The following NRXN3 variants were observed in gnomAD, a reference collection of about 807,000 sequenced individuals.
NRXN3 encodes neurexin III.
Under a neutral mutation model 137.6 loss-of-function variants are expected in NRXN3, and 32 were observed. That is an observed-to-expected ratio of 0.23 (90% CI 0.18 to 0.31). The LOEUF (loss-of-function observed/expected upper bound fraction) is 0.31. Among genes scored for constraint, NRXN3 ranks in the 10% least tolerant of loss-of-function variants. NRXN3 has a pLI of 1.00. For missense variants in NRXN3, 1,574 were observed against 2,062.5 expected (o/e 0.76, Z 4.59); for synonymous variants, 798 against 784.5 (o/e 1.02, Z -0.29).
intron 4 of NRXN3, among the ~76,000 whole-genome samples, chr14:78,317,601 G>A (rs553263102): frequency 1.3e-5 from 2 of 152,282 alleles, no homozygotes; most frequent in African/African-American, 4.8e-5. Context: ...AAGAGGTTGA[G>A]GACTTCTGGA....
chr14:79,061,232 C>A (rs1595508009), intron 15 of NRXN3, among the ~76,000 whole-genome samples: 1 of 152,140 alleles, frequency 6.6e-6, no homozygotes, highest in South Asian at 2.1e-4. Context: ...AAACTATATT[C>A]TAGAGGAAGA....
At chr14:79,229,356 C>T (rs1481459233) in intron 15 of NRXN3, among the ~76,000 whole-genome samples, 1 of 152,044 alleles carries the variant, frequency 6.6e-6, no homozygotes, top group African/African-American at 2.4e-5. Flanking sequence ...TAGTCATTTC[C>T]CATTTGTTTG....
At chr14:79,192,283 G>T (rs1160631622) in intron 15 of NRXN3, among the ~76,000 whole-genome samples, 1 of 152,174 alleles carries the variant, frequency 6.6e-6, no homozygotes, top group Non-Finnish European at 1.5e-5. Context: ...AATAATAATA[G>T]TGCCTTCTTT....
At chr14:79,159,500 A>G (rs904386783) in intron 15 of NRXN3, among the ~76,000 whole-genome samples, 1 of 151,952 alleles carries the variant, frequency 6.6e-6, no homozygotes, top group South Asian at 2.1e-4. Context: ...CTGCTAATTG[A>G]TAGTCCTCTC....
chr14:79,447,694 A>C (rs951098003), intron 15 of NRXN3, among the ~76,000 whole-genome samples: 1 of 152,242 alleles, frequency 6.6e-6, no homozygotes, highest in Non-Finnish European at 1.5e-5. Context: ...GTCATTGGAT[A>C]GCTCTAGGAA....
intron 16 of NRXN3, among the ~76,000 whole-genome samples, chr14:79,535,799 T>G (rs1422136895): frequency 6.6e-6 from 1 of 152,254 alleles, no homozygotes; most frequent in African/African-American, 2.4e-5. Context: ...ACTAGGAACT[T>G]CTGGTCTCTC....
chr14:78,314,944 T>C (rs1430312570), intron 4 of NRXN3, among the ~76,000 whole-genome samples: 1 of 76,160 alleles, frequency 1.3e-5, no homozygotes, highest in African/African-American at 6.9e-5. Context: ...TCTTTCTTTC[T>C]TCCTTCCTTC....
intron 16 of NRXN3, among the ~76,000 whole-genome samples, chr14:79,620,879 G>A (rs1398778916): frequency 6.6e-6 from 1 of 152,042 alleles, no homozygotes; most frequent in African/African-American, 2.4e-5. Flanking sequence ...AAGATATGTA[G>A]ATAGAGACAA....
At chr14:78,445,952 G>T (rs1394690461) in intron 4 of NRXN3, among the ~76,000 whole-genome samples, 1 of 152,092 alleles carries the variant, frequency 6.6e-6, no homozygotes, top group Non-Finnish European at 1.5e-5. Flanking sequence ...TGGGAGAGTG[G>T]GGGTAAAGCT....
chr14:78,411,074 G>T (rs2092799497), intron 4 of NRXN3, among the ~76,000 whole-genome samples: 1 of 152,156 alleles, frequency 6.6e-6, no homozygotes, highest in Non-Finnish European at 1.5e-5. Context: ...AAAATTAAAT[G>T]AAAATGTTAG....
At chr14:79,431,867 T>G (rs933839602) in intron 15 of NRXN3, among the ~76,000 whole-genome samples, 3 of 152,192 alleles carry the variant, frequency 2.0e-5, no homozygotes, top group African/African-American at 7.2e-5. Context: ...TGTATCTATC[T>G]TTTTACTCCA....
At chr14:78,426,227 C>T (rs2093659515) in intron 4 of NRXN3, among the ~76,000 whole-genome samples, 1 of 152,126 alleles carries the variant, frequency 6.6e-6, no homozygotes, top group Admixed American at 6.5e-5. Context: ...GTATAGGGTC[C>T]CTTACAGGGT....
At chr14:78,397,053 C>G (rs1440488616) in intron 4 of NRXN3, among the ~76,000 whole-genome samples, 1 of 152,170 alleles carries the variant, frequency 6.6e-6, no homozygotes, top group Non-Finnish European at 1.5e-5. Flanking sequence ...AGCCCTATCT[C>G]CAAGTACAGT....
intron 15 of NRXN3, among the ~76,000 whole-genome samples, chr14:79,057,693 G>GCTT: frequency 6.6e-6 from 1 of 152,170 alleles, no homozygotes; most frequent in East Asian, 1.9e-4. Flanking sequence ...AAAGGTAAAG[G>GCTT]CTTCTGGTGA....
chr14:79,719,699 T>G (rs2098837541), intron 19 of NRXN3, among the ~76,000 whole-genome samples: 1 of 152,244 alleles, frequency 6.6e-6, no homozygotes. Flanking sequence ...CCCACCTGTC[T>G]TTCTTTCCTT....
intron 4 of NRXN3, among the ~76,000 whole-genome samples, chr14:78,395,123 C>T (rs150017919): frequency 8.6e-5 from 13 of 151,020 alleles, no homozygotes; most frequent in African/African-American, 1.5e-4. Context: ...TTTAGGTTTT[C>T]GAGATGTGGC....
At chr14:79,069,345 G>A (rs2099684630) in intron 15 of NRXN3, among the ~76,000 whole-genome samples, 1 of 151,976 alleles carries the variant, frequency 6.6e-6, no homozygotes, top group African/African-American at 2.4e-5. Flanking sequence ...CACCCAGTTG[G>A]TATGAAGACA....
At chr14:78,557,032 C>T (rs2096745217) in intron 4 of NRXN3, among the ~76,000 whole-genome samples, 1 of 134,520 alleles carries the variant, frequency 7.4e-6, no homozygotes, top group Admixed American at 7.5e-5. Context: ...CCCTCCCCTT[C>T]CCTCTCCTCC....
intron 16 of NRXN3, among the ~76,000 whole-genome samples, chr14:79,659,378 A>G (rs926673995): frequency 6.6e-6 from 1 of 152,184 alleles, no homozygotes; most frequent in Non-Finnish European, 1.5e-5. Flanking sequence ...TACACTTTGC[A>G]TTTCTTAGAG....
Sources: gnomAD v4.1 joint callset for allele counts (sites outside exome capture counted in the v4.1 genomes callset) on GRCh38, gnomAD v4.1.1 for gene constraint, MANE v1.5 for transcripts, NCBI Gene and HGNC (gene_info 2026-07-23, HGNC 2026-07-21) for gene names.